The following CSMD1 variants were observed in gnomAD, a reference collection of about 807,000 sequenced individuals.
CSMD1 encodes the protein CUB and sushi domain-containing protein 1.
A neutral mutation model predicts 417.5 loss-of-function variants in CSMD1; 213 were observed. That is an observed-to-expected ratio of 0.51 (90% confidence interval 0.46 to 0.57). The LOEUF (loss-of-function observed/expected upper bound fraction) is 0.57. Among genes scored for constraint, CSMD1 ranks in the 20% least tolerant of loss-of-function variants. The pLI, the probability that CSMD1 is intolerant of heterozygous loss-of-function variation, is 0.00. For synonymous variants in CSMD1, 2,862 were observed against 1,736.8 expected (o/e 1.65, Z -16.11); for missense variants, 6,923 against 4,529.7 (o/e 1.53, Z -15.17).
At chr8:3,945,075 A>C (rs1811130137) in intron 5 of CSMD1, among the ~76,000 whole-genome samples, 1 of 151,864 alleles carries the variant, frequency 6.6e-6, no homozygotes, top group African/African-American at 2.4e-5. Flanking sequence ...ATAAATGTTT[A>C]AGACAATGTG....
intron 1 of CSMD1, among the ~76,000 whole-genome samples, chr8:4,885,040 G>C (rs1233021039): frequency 6.6e-6 from 1 of 151,928 alleles, no homozygotes; most frequent in Non-Finnish European, 1.5e-5. Context: ...TTTGTTTTCA[G>C]AGTATAAATT....
At chr8:4,267,746 G>C (rs1427637795) in intron 3 of CSMD1, among the ~76,000 whole-genome samples, 1 of 152,000 alleles carries the variant, frequency 6.6e-6, no homozygotes, top group East Asian at 1.9e-4. Context: ...AAATTGTAAG[G>C]TGCCACTCTT....
chr8:3,306,198 A>C (rs974690204), intron 25 of CSMD1, among the ~76,000 whole-genome samples: 14 of 152,292 alleles, frequency 9.2e-5, no homozygotes, highest in Admixed American at 9.2e-4. Flanking sequence ...TATGTGTAAT[A>C]CACATTACTA....
At chr8:3,421,362 A>C (rs961324017) in intron 12 of CSMD1, among the ~76,000 whole-genome samples, 1 of 152,218 alleles carries the variant, frequency 6.6e-6, no homozygotes, top group African/African-American at 2.4e-5. Flanking sequence ...CACACATTGA[A>C]TGGGCAGAGA....
At chr8:3,257,230 A>G (rs545141628) in intron 26 of CSMD1, among the ~76,000 whole-genome samples, 1 of 152,330 alleles carries the variant, frequency 6.6e-6, no homozygotes, top group East Asian at 1.9e-4. Context: ...AGGCTGAGGC[A>G]GGAGAATCGC....
At chr8:4,177,331 C>A (rs1020333948) in intron 3 of CSMD1, among the ~76,000 whole-genome samples, 17 of 152,026 alleles carry the variant, frequency 1.1e-4, no homozygotes, top group Admixed American at 1.3e-4. Flanking sequence ...TGAATGAATA[C>A]TGGGTACATA....
At chr8:3,068,572 C>G (rs1475592169) in intron 49 of CSMD1, among the ~76,000 whole-genome samples, 1 of 151,744 alleles carries the variant, frequency 6.6e-6, no homozygotes, top group African/African-American at 2.4e-5. Context: ...GCTCATGTTT[C>G]TGCAGGCTGT....
intron 1 of CSMD1, among the ~76,000 whole-genome samples, chr8:4,890,652 A>G (rs975820070): frequency 1.1e-4 from 16 of 152,006 alleles, no homozygotes; most frequent in Non-Finnish European, 5.9e-5. Flanking sequence ...CCTGGGCAGG[A>G]CAGATGAGAG....
chr8:4,756,175 C>A (rs1484835981), intron 1 of CSMD1, among the ~76,000 whole-genome samples: 1 of 152,172 alleles, frequency 6.6e-6, no homozygotes, highest in Non-Finnish European at 1.5e-5. Context: ...ATTGCACACA[C>A]ATTTCTGGAA....
At chr8:4,714,260 A>G (rs1414925977) in intron 1 of CSMD1, among the ~76,000 whole-genome samples, 2 of 152,164 alleles carry the variant, frequency 1.3e-5, no homozygotes, top group African/African-American at 4.8e-5. Flanking sequence ...GCAGAAATAT[A>G]CTCATCCTAA....
chr8:4,964,511 A>G (rs1809722049), intron 1 of CSMD1, among the ~76,000 whole-genome samples: 1 of 150,304 alleles, frequency 6.7e-6, no homozygotes, highest in South Asian at 2.1e-4. Flanking sequence ...CCAAAAAAAA[A>G]AAAAAAAAAA....
rs183902750 is a variant in CSMD1, at chr8:4,859,651, A to G, written c.85+134681T>C. On this transcript the variant is annotated intron_variant, in intron 1 of 69. Transcript: ENST00000635120. ...AGACGTTTATACAGCCAAAAAACAC[A>G]TGAAAAAATGCTCATCATCCCTGGC... Among the ~76,000 whole-genome samples the G allele has an allele frequency of 7.4e-3, 1,129 of 152,288 alleles. 19 individuals are homozygous for G. Among genetic ancestry groups the G allele is most frequent in the African/African-American group, 0.026 (1,090 of 41,540 alleles).
chr8:4,934,564 A>G (rs1015767215), intron 1 of CSMD1, among the ~76,000 whole-genome samples: 1 of 152,180 alleles, frequency 6.6e-6, no homozygotes, highest in Non-Finnish European at 1.5e-5. Context: ...GGAGACTGCA[A>G]CATGGACAAA....
intron 10 of CSMD1, among the ~76,000 whole-genome samples, chr8:3,521,000 T>C (rs117982327): frequency 0.016 from 2,507 of 152,212 alleles, 32 homozygotes; most frequent in Middle Eastern, 0.037. Flanking sequence ...CAAAGCCCTC[T>C]CTGGAGCATC....
chr8:3,768,603 T>C (rs1457692428), intron 5 of CSMD1, among the ~76,000 whole-genome samples: 1 of 152,170 alleles, frequency 6.6e-6, no homozygotes, highest in Non-Finnish European at 1.5e-5. Flanking sequence ...GAGTGTAACA[T>C]TAAATAGAAG....
At chr8:4,063,755 C>G (rs1243155996) in intron 3 of CSMD1, among the ~76,000 whole-genome samples, 2 of 152,114 alleles carry the variant, frequency 1.3e-5, no homozygotes, top group African/African-American at 4.8e-5. Flanking sequence ...TATTTTGAAT[C>G]TAAATTTCAT....
rs117293249 is a variant in CSMD1, at chr8:4,575,310, A to G, written c.302+62032T>C. Among the ~76,000 whole-genome samples the G allele has an allele frequency of 4.4e-3, 663 of 152,342 alleles. 7 individuals are homozygous for G. The highest frequency in any genetic ancestry group is 0.017 in the Middle Eastern group (5 of 294). ...ATTGGTGTCCCTGTCCTTTTTATGTAATAATGTGATTCTGCAAAGTGGCAA... is the reference window on the plus strand; with the variant it reads ...ATTGGTGTCCCTGTCCTTTTTATGTGATAATGTGATTCTGCAAAGTGGCAA... On this transcript the variant is annotated intron_variant, in intron 2 of 69. Coordinates refer to ENST00000635120, the MANE Select transcript of CSMD1 (RefSeq NM_033225.6).
chr8:4,605,575 T>A (rs989460133), intron 2 of CSMD1, among the ~76,000 whole-genome samples: 2 of 152,286 alleles, frequency 1.3e-5, no homozygotes, highest in South Asian at 2.1e-4. Context: ...TCTAAAGACT[T>A]TGGGAGGCAA....
chr8:4,487,169 C>T (rs562448247), intron 2 of CSMD1, among the ~76,000 whole-genome samples: 177 of 152,082 alleles, frequency 1.2e-3, no homozygotes, highest in Admixed American at 1.8e-3. Context: ...AAGTTTCTTT[C>T]TTTTTTATTA....
Sources: allele counts gnomAD v4.1 joint callset (sites outside exome capture counted in the v4.1 genomes callset), GRCh38; gene constraint gnomAD v4.1.1; transcripts MANE v1.5; gene names NCBI Gene and HGNC (gene_info 2026-07-23, HGNC 2026-07-21).